Variants in CDKAL1 observed in about 807,000 individuals in gnomAD.
CDKAL1 encodes CDKAL1 threonylcarbamoyladenosine tRNA methylthiotransferase, also known as threonylcarbamoyladenosine tRNA methylthiotransferase.
A neutral mutation model predicts 68.2 loss-of-function variants in CDKAL1; 32 were observed. That is an observed-to-expected ratio of 0.47 (90% confidence interval 0.35 to 0.63). The LOEUF (loss-of-function observed/expected upper bound fraction) is 0.63, where lower values mean the gene tolerates loss of function less well. Ranked by LOEUF, CDKAL1 falls within the 30% of genes least tolerant of loss-of-function variation. CDKAL1 has a pLI of 0.00. For synonymous variants in CDKAL1, 234 were observed against 244.3 expected (o/e 0.96, Z 0.39); for missense variants, 606 against 696.7 (o/e 0.87, Z 1.47).
intron 15 of CDKAL1, among the ~76,000 whole-genome samples, chr6:21,213,783 T>G (rs1334726499): frequency 6.6e-6 from 1 of 152,196 alleles, no homozygotes; most frequent in Non-Finnish European, 1.5e-5. Flanking sequence ...TGTGTCTCTC[T>G]CCTCCTCAAA....
chr6:20,584,489 G>A (rs1765264475), intron 4 of CDKAL1, among the ~76,000 whole-genome samples: 1 of 152,144 alleles, frequency 6.6e-6, no homozygotes, highest in South Asian at 2.1e-4. Context: ...CCCCATCCGT[G>A]AGCAGTCCAG....
intron 8 of CDKAL1, among the ~76,000 whole-genome samples, chr6:20,828,907 C>G (rs913996890): frequency 2.0e-5 from 3 of 152,124 alleles, no homozygotes; most frequent in Admixed American, 6.6e-5. Flanking sequence ...ACTTGACTAC[C>G]CTAGGTACCT....
At chr6:20,904,743 T>C (rs1037980877) in intron 9 of CDKAL1, among the ~76,000 whole-genome samples, 1 of 151,192 alleles carries the variant, frequency 6.6e-6, no homozygotes, top group African/African-American at 2.4e-5. Flanking sequence ...GAGCCGAGAT[T>C]GCGGCATTGC....
intron 4 of CDKAL1, among the ~76,000 whole-genome samples, chr6:20,578,608 T>G (rs1036562229): frequency 3.3e-5 from 5 of 152,248 alleles, no homozygotes; most frequent in Non-Finnish European, 7.3e-5. Flanking sequence ...AGAGGATTGT[T>G]AGTAGACTTC....
Position 20,649,318 on chromosome 6 carries a change from G to T in CDKAL1, c.312G>T (p.Trp104Cys). 1 of 1,607,384 alleles carries T rather than the reference G, an allele frequency of 6.2e-7. No individual in the cohort carries two copies. Among genetic ancestry groups the T allele is most frequent in the Non-Finnish European group, 8.5e-7 (1 of 1,177,998 alleles). ...ITENASDADL[W>C]LLNSCTVKNP... Reference sequence around the variant, plus strand: ...AAAATGCATCCGATGCAGATTTATGGCTCCTGAACAGTTGCACTGTAAAAA... The same window carrying T: ...AAAATGCATCCGATGCAGATTTATGTCTCCTGAACAGTTGCACTGTAAAAA... Residue 104 changes from tryptophan to cysteine, a missense_variant, in exon 5 of 16, where the codon TGG becomes TGT. By Grantham distance (215) the Trp-to-Cys change is radical. Transcript: ENST00000274695.
At chr6:21,223,123 CA>C (rs1779597536) in intron 15 of CDKAL1, among the ~76,000 whole-genome samples, 2 of 152,138 alleles carry the variant, frequency 1.3e-5, no homozygotes, top group Admixed American at 1.3e-4. Flanking sequence ...CTGTGAGGTG[CA>C]GGGGCAAGTA....
At chr6:20,969,963 T>A (rs2150752381) in intron 10 of CDKAL1, among the ~76,000 whole-genome samples, 1 of 152,158 alleles carries the variant, frequency 6.6e-6, no homozygotes, top group Admixed American at 6.5e-5. Context: ...AGCTTTTTGA[T>A]TTGCTTATTG....
intron 10 of CDKAL1, among the ~76,000 whole-genome samples, chr6:20,984,974 C>G (rs1037909437): frequency 6.6e-6 from 1 of 152,142 alleles, no homozygotes; most frequent in African/African-American, 2.4e-5. Context: ...CCTCCCCTCC[C>G]TATCACTACT....
chr6:21,148,746 T>C (rs1776285580), intron 13 of CDKAL1, among the ~76,000 whole-genome samples: 1 of 152,178 alleles, frequency 6.6e-6, no homozygotes, highest in Admixed American at 6.5e-5. Flanking sequence ...AGTATATTGA[T>C]TAAAAAGTTT....
At chr6:20,538,058 G>A (rs960440848) in intron 2 of CDKAL1, among the ~76,000 whole-genome samples, 10 of 152,122 alleles carry the variant, frequency 6.6e-5, no homozygotes, top group South Asian at 2.1e-4. Flanking sequence ...TTGCTGGCTC[G>A]AAGGATATAC....
At chr6:21,004,617 T>C (rs1767624941) in intron 11 of CDKAL1, among the ~76,000 whole-genome samples, 1 of 152,088 alleles carries the variant, frequency 6.6e-6, no homozygotes, top group South Asian at 2.1e-4. Context: ...TTTGTAGGGA[T>C]AGGGGAAGAA....
intron 10 of CDKAL1, among the ~76,000 whole-genome samples, chr6:20,989,746 C>T (rs1016938663): frequency 1.2e-4 from 18 of 152,062 alleles, no homozygotes; most frequent in African/African-American, 4.3e-4. Flanking sequence ...GTTTGAATCA[C>T]CAAAGATTTT....
chr6:20,994,551 A>G (rs1178967651), intron 10 of CDKAL1, among the ~76,000 whole-genome samples: 1 of 152,182 alleles, frequency 6.6e-6, no homozygotes, highest in Non-Finnish European at 1.5e-5. Context: ...AATATAATCC[A>G]TGATGGGGCT....
At chr6:21,115,846 C>T (rs551843355) in intron 13 of CDKAL1, among the ~76,000 whole-genome samples, 3 of 152,306 alleles carry the variant, frequency 2.0e-5, no homozygotes, top group East Asian at 1.9e-4. Context: ...AGAGCTCTTT[C>T]GGTGCAAAAT....
At chr6:20,738,223 A>G (rs574941056) in intron 5 of CDKAL1, among the ~76,000 whole-genome samples, 2 of 152,272 alleles carry the variant, frequency 1.3e-5, no homozygotes, top group African/African-American at 4.8e-5. Flanking sequence ...ACACACTCCA[A>G]TACCCGTACA....
chr6:20,950,239 C>G (rs1764457237), intron 9 of CDKAL1, among the ~76,000 whole-genome samples: 1 of 152,112 alleles, frequency 6.6e-6, no homozygotes, highest in Non-Finnish European at 1.5e-5. Context: ...ATTCTCCTGC[C>G]TCAGCCTCCT....
In CDKAL1 at chr6:20,578,432, G is replaced by A. The variant is rs78968246; in HGVS notation, c.286+29727G>A. Reference sequence around the variant, plus strand: ...AGTCATATGAATGGACTCATAGTATGTACTTTTATGTCTGGCTTCTTTTAT... The same window carrying A: ...AGTCATATGAATGGACTCATAGTATATACTTTTATGTCTGGCTTCTTTTAT... On this transcript the variant is annotated intron_variant, in intron 4 of 15. Transcript: ENST00000274695. Among the ~76,000 whole-genome samples the A allele has an allele frequency of 9.5e-4, 145 of 152,216 alleles. 2 individuals carry two copies. The East Asian group carries it at 0.015, about 16-fold the overall frequency.
intron 5 of CDKAL1, among the ~76,000 whole-genome samples, chr6:20,695,475 T>C (rs1192665597): frequency 3.3e-5 from 5 of 152,162 alleles, no homozygotes; most frequent in African/African-American, 1.2e-4. Context: ...TTTTATCTTT[T>C]AGAGAAATAC....
intron 13 of CDKAL1, among the ~76,000 whole-genome samples, chr6:21,155,934 A>G (rs935911265): frequency 6.6e-6 from 1 of 152,202 alleles, no homozygotes; most frequent in Non-Finnish European, 1.5e-5. Context: ...TAAATATCCC[A>G]TAGTGGGTGA....
Sources: gnomAD v4.1 joint callset for allele counts (sites outside exome capture counted in the v4.1 genomes callset) on GRCh38, gnomAD v4.1.1 for gene constraint, MANE v1.5 for transcripts, NCBI Gene and HGNC (gene_info 2026-07-23, HGNC 2026-07-21) for gene names.